DYNC2H1: variants seen among roughly 807,000 people sequenced by gnomAD.
DYNC2H1 encodes cytoplasmic dynein 2 heavy chain 1.
DYNC2H1 carries 410 observed loss-of-function variants against 570.0 expected under a neutral mutation model. That is an observed-to-expected ratio of 0.72 (90% CI 0.66 to 0.78). The LOEUF (loss-of-function observed/expected upper bound fraction) is 0.78. DYNC2H1 is among the 30% of genes least tolerant of loss of function. The probability of loss-of-function intolerance (pLI) is 0.00; values close to 1 mark genes in which losing one functional copy is unlikely to be tolerated. For synonymous variants in DYNC2H1, 1,688 were observed against 1,677.6 expected (o/e 1.01, Z -0.15); for missense variants, 4,865 against 5,046.4 (o/e 0.96, Z 1.09).
chr11:103,303,711 T>C (rs1333604779), intron 76 of DYNC2H1, among the ~76,000 whole-genome samples: 2 of 152,244 alleles, frequency 1.3e-5, no homozygotes, highest in Non-Finnish European at 1.5e-5. Flanking sequence ...AACATAGCCC[T>C]ATAGTAGTAC....
chr11:103,441,082 A>G (rs1944252691), intron 85 of DYNC2H1, among the ~76,000 whole-genome samples: 1 of 152,032 alleles, frequency 6.6e-6, no homozygotes, highest in Non-Finnish European at 1.5e-5. Flanking sequence ...CACATCCTAC[A>G]AGTTTCTTTA....
At position 103,151,584 on chromosome 11, in the gene DYNC2H1, A is replaced by G. The variant is rs755180431; in HGVS notation, c.2947-552A>G. 1.1e-4 allele frequency among the ~76,000 whole-genome samples: 16 copies of G among 152,286 alleles called. No homozygotes were observed. Among genetic ancestry groups the G allele is most frequent in the Non-Finnish European group, 2.1e-4 (14 of 68,018 alleles). ...TTAGCACCCATTGACCTACACCCAA[A>G]CTGTTTAACAAACTGTTAGCTATAT... On this transcript the variant is annotated intron_variant, in intron 20 of 88. Coordinates refer to ENST00000375735, the MANE Select transcript of DYNC2H1 (RefSeq NM_001377.3). This position sits in a 1 kb window ranked among gnomAD's most constrained non-coding sequence, Gnocchi z 4.6.
Position 103,316,611 on chromosome 11 carries a change from C to G in DYNC2H1, c.11716C>G (p.Leu3906Val). The G allele has an allele frequency of 6.5e-7, 1 of 1,532,866 alleles. No homozygotes were observed. Among genetic ancestry groups the G allele is most frequent in the Non-Finnish European group, 8.8e-7 (1 of 1,141,902 alleles). 95.0% of individuals were successfully genotyped at this position (1,532,866 alleles called of 1,614,324 possible). Residue 3906 changes from leucine (L) to valine (V), a missense_variant, in exon 80 of 89, where the codon CTT becomes GTT. Transcript: ENST00000375735. ...LRAGYNIIDR[L>V]FDGAKDVQWE... ...GGCTGGGTACAACATTATTGACAGA[C>G]TTTTTGATGGTAAGTTCTAACAAAA... is the stretch of plus-strand genomic sequence containing the variant.
chr11:103,421,217 G>A (rs1943475521), intron 84 of DYNC2H1, among the ~76,000 whole-genome samples: 1 of 152,046 alleles, frequency 6.6e-6, no homozygotes, highest in Non-Finnish European at 1.5e-5. Flanking sequence ...CATAAAGCAA[G>A]TTCTTAGAAA....
At chr11:103,226,187 A>G (rs1484740168) in intron 59 of DYNC2H1, among the ~76,000 whole-genome samples, 2 of 152,164 alleles carry the variant, frequency 1.3e-5, no homozygotes, top group African/African-American at 2.4e-5. Flanking sequence ...CGCTTTACCA[A>G]TTTGGATGCC....
At chr11:103,120,843 G>A in intron 8 of DYNC2H1, 41 bp downstream of exon 8, 1 of 1,221,566 alleles carries the variant, frequency 8.2e-7, no homozygotes, top group Non-Finnish European at 1.1e-6. Flanking sequence ...TTTCTCTTAA[G>A]CTAATATATA....
chr11:103,320,603 T>C (rs1938130851), intron 80 of DYNC2H1, among the ~76,000 whole-genome samples: 1 of 152,196 alleles, frequency 6.6e-6, no homozygotes, highest in African/African-American at 2.4e-5. Flanking sequence ...TGTAAAATTA[T>C]GTTTTGGATA....
chr11:103,431,506 A>C (rs1377631574), intron 84 of DYNC2H1, among the ~76,000 whole-genome samples: 3 of 152,146 alleles, frequency 2.0e-5, no homozygotes, highest in Non-Finnish European at 4.4e-5. Flanking sequence ...CTCTTCTGTA[A>C]AATGGAAATT....
In DYNC2H1 at chr11:103,325,793, C is replaced by CT. The variant is rs1054557377; in HGVS notation, c.12039+1809dup. 4.6e-5 allele frequency among the ~76,000 whole-genome samples: 7 copies of CT among 152,210 alleles called. No individual in the cohort carries two copies. Among genetic ancestry groups the CT allele is most frequent in the African/African-American group, 1.7e-4 (7 of 41,532 alleles). On this transcript the variant is annotated intron_variant, in intron 82 of 88. Coordinates refer to ENST00000375735, the MANE Select transcript of DYNC2H1 (RefSeq NM_001377.3). This position sits in a 1 kb window ranked among gnomAD's most constrained non-coding sequence, Gnocchi z 4.8. ...CAACTTTCTCCTGAATTTTGTTGAG[C>CT]TTTTTTGCCACATTCTGCATTCTAC...
At position 103,252,503 on chromosome 11, in the gene DYNC2H1, A is replaced by G. The variant is rs1405739176; in HGVS notation, c.10043-782A>G. Among the ~76,000 whole-genome samples the G allele has an allele frequency of 6.6e-6, 1 of 151,998 alleles. No individual in the cohort carries two copies. The highest frequency in any genetic ancestry group is 2.4e-5 in the African/African-American group (1 of 41,380). On this transcript the variant is annotated intron_variant, in intron 65 of 88. Coordinates refer to ENST00000375735, the MANE Select transcript of DYNC2H1 (RefSeq NM_001377.3). The surrounding 1 kb of genome is among the most constrained non-coding windows in gnomAD (Gnocchi z 4.6). ...CCCTTTTCTCCGTATCTTCATCAAC[A>G]TTTGTTATCTCTTGTCTTTTTGATA...
chr11:103,343,034 A>T (rs1181805078), intron 82 of DYNC2H1, among the ~76,000 whole-genome samples: 6 of 152,184 alleles, frequency 3.9e-5, no homozygotes, highest in Non-Finnish European at 8.8e-5. Flanking sequence ...CGGCCACTGG[A>T]CTAAAGACAT....
At chr11:103,167,148 A>G (rs1272248769) in intron 31 of DYNC2H1, among the ~76,000 whole-genome samples, 2 of 151,354 alleles carry the variant, frequency 1.3e-5, no homozygotes, top group Admixed American at 6.6e-5. Flanking sequence ...TAAAATTTCT[A>G]TTTATTTATA....
chr11:103,294,599 T>G (rs11225663), intron 75 of DYNC2H1, among the ~76,000 whole-genome samples: 25,040 of 152,142 alleles, frequency 0.16, 2,249 homozygotes, highest in Admixed American at 0.25. Flanking sequence ...ATGCTGGGTT[T>G]CCCAGAGTTT....
At chr11:103,120,368 C>T in intron 6 of DYNC2H1, 79 bp from the exon 7 acceptor site, 2 of 1,272,246 alleles carry the variant, frequency 1.6e-6, no homozygotes, top group Non-Finnish European at 2.1e-6. Context: ...AATTCTTGCC[C>T]AATATATCTA....
At chr11:103,235,864 G>C (rs1391861030) in intron 62 of DYNC2H1, 51 bp downstream of exon 62, 1 of 1,591,256 alleles carries the variant, frequency 6.3e-7, no homozygotes, top group African/African-American at 1.4e-5. Context: ...AGTTATTCCT[G>C]AATTTAAAAT....
chr11:103,278,587 G>A (rs144020463), intron 70 of DYNC2H1, among the ~76,000 whole-genome samples: 5 of 151,148 alleles, frequency 3.3e-5, no homozygotes, highest in African/African-American at 4.9e-5. Context: ...TTTTTGACAC[G>A]GAGTTTCACT....
intron 22 of DYNC2H1, 103 bp downstream of exon 22, chr11:103,153,611 A>G (rs1860675350): frequency 8.7e-6 from 9 of 1,031,656 alleles, no homozygotes; most frequent in Non-Finnish European, 1.3e-5. Flanking sequence ...CTTTCCTCAT[A>G]AACTTCATCA....
At chr11:103,168,660 A>C (rs1861435001) in intron 31 of DYNC2H1, 95 bp from the exon 32 acceptor site, 3 of 1,310,152 alleles carry the variant, frequency 2.3e-6, no homozygotes, top group Non-Finnish European at 3.2e-6. Flanking sequence ...TTACCATTTA[A>C]ATTCATGGAG....
At chr11:103,121,338 C>A in intron 9 of DYNC2H1, 34 bp from the exon 10 acceptor site, 1 of 1,552,088 alleles carries the variant, frequency 6.4e-7, no homozygotes, top group Non-Finnish European at 8.7e-7. Flanking sequence ...TTTGCTAATT[C>A]TTTGTAATCA....
Sources: allele counts gnomAD v4.1 joint callset (sites outside exome capture counted in the v4.1 genomes callset), GRCh38; gene constraint gnomAD v4.1.1; non-coding constraint Gnocchi (gnomAD v3.1); transcripts MANE v1.5; gene names NCBI Gene and HGNC (gene_info 2026-07-23, HGNC 2026-07-21).